CDYL: variants seen among roughly 807,000 people sequenced by gnomAD.
CDYL encodes chromodomain Y-like protein.
Under a neutral mutation model 47.3 loss-of-function variants are expected in CDYL, and 8 were observed. The observed-to-expected ratio is 0.17, with a 90% confidence interval of 0.10 to 0.31. CDYL has a LOEUF of 0.31. Ranked by LOEUF, CDYL falls within the 10% of genes least tolerant of loss-of-function variation. CDYL has a pLI of 1.00. For synonymous variants in CDYL, 266 were observed against 265.0 expected (o/e 1.00, Z -0.04); for missense variants, 471 against 701.4 (o/e 0.67, Z 3.71).
intron 1 of CDYL, among the ~76,000 whole-genome samples, chr6:4,811,587 C>G (rs1034961627): frequency 2.0e-5 from 3 of 148,818 alleles, no homozygotes; most frequent in African/African-American, 7.4e-5. Flanking sequence ...TTTAATTACA[C>G]AAGTACTCAA....
intron 2 of CDYL, among the ~76,000 whole-genome samples, chr6:4,893,842 T>C (rs1384598457): frequency 3.3e-5 from 5 of 152,254 alleles, no homozygotes; most frequent in African/African-American, 1.2e-4. Flanking sequence ...ACTAAGACAT[T>C]CTAACCGTCC....
chr6:4,902,912 T>A (rs988427372), intron 2 of CDYL, among the ~76,000 whole-genome samples: 1 of 152,172 alleles, frequency 6.6e-6, no homozygotes, highest in Non-Finnish European at 1.5e-5. Flanking sequence ...ATGGACAAAT[T>A]CACTTAAACT....
At chr6:4,739,605 A>G (rs1041563916) in intron 3 of CDYL, among the ~76,000 whole-genome samples, 2 of 152,164 alleles carry the variant, frequency 1.3e-5, no homozygotes, top group African/African-American at 4.8e-5. Flanking sequence ...ATATTCTTAA[A>G]TACCAAAGCA....
chr6:4,946,079 G>C (rs1404885424), intron 5 of CDYL, among the ~76,000 whole-genome samples: 1 of 152,186 alleles, frequency 6.6e-6, no homozygotes, highest in African/African-American at 2.4e-5. Flanking sequence ...CCTGCTGGCA[G>C]GCTGGACACT....
chr6:4,787,588 G>T (rs1432579634), intron 1 of CDYL, among the ~76,000 whole-genome samples: 1 of 152,028 alleles, frequency 6.6e-6, no homozygotes, highest in Non-Finnish European at 1.5e-5. Context: ...GCTGAGACCA[G>T]ACACATTCAG....
chr6:4,931,941 G>A (rs953500302), intron 2 of CDYL, among the ~76,000 whole-genome samples: 2 of 152,236 alleles, frequency 1.3e-5, no homozygotes, highest in African/African-American at 4.8e-5. Flanking sequence ...TGCTGAAGCT[G>A]TTTCTGAGAC....
intron 1 of CDYL, among the ~76,000 whole-genome samples, chr6:4,865,412 C>G (rs918167098): frequency 1.3e-5 from 2 of 152,186 alleles, no homozygotes; most frequent in South Asian, 4.1e-4. Flanking sequence ...CATAAGAACC[C>G]CTTCCCCTCC....
At chr6:4,755,839 G>A (rs1010379158) in intron 3 of CDYL, among the ~76,000 whole-genome samples, 1 of 152,110 alleles carries the variant, frequency 6.6e-6, no homozygotes, top group Non-Finnish European at 1.5e-5. Context: ...TTGAACTCAA[G>A]TGTCATGTTA....
chr6:4,859,966 A>G lies in CDYL; in HGVS notation c.25-31747A>G, dbSNP rs560011085. Among the ~76,000 whole-genome samples, 340 of 151,444 alleles carry G rather than the reference A, an allele frequency of 2.2e-3. 1 individual carries two copies. The highest frequency in any genetic ancestry group is 8.0e-3 in the African/African-American group (331 of 41,230). Reference sequence around the variant, plus strand: ...ACCCAGGCTGGAGTGCAGTGGCGCAATCTCGGCTCACTGCAAGCTCCGCCT... The same window carrying G: ...ACCCAGGCTGGAGTGCAGTGGCGCAGTCTCGGCTCACTGCAAGCTCCGCCT... On this transcript the variant is annotated intron_variant, in intron 1 of 6. Transcript: ENST00000397588.
intron 2 of CDYL, among the ~76,000 whole-genome samples, chr6:4,926,412 A>G (rs1757875178): frequency 6.6e-6 from 1 of 152,248 alleles, no homozygotes; most frequent in Non-Finnish European, 1.5e-5. Flanking sequence ...CAGACCAAAG[A>G]CAACAGTGGT....
intron 1 of CDYL, among the ~76,000 whole-genome samples, chr6:4,812,858 C>T (rs1212039700): frequency 6.6e-6 from 1 of 152,012 alleles, no homozygotes; most frequent in Admixed American, 6.6e-5. Flanking sequence ...CTTCTTCTGT[C>T]CTTGAGTAAA....
At chr6:4,738,861 G>A (rs892533257) in intron 3 of CDYL, among the ~76,000 whole-genome samples, 6 of 152,182 alleles carry the variant, frequency 3.9e-5, no homozygotes, top group Admixed American at 3.9e-4. Context: ...CGACATCAAG[G>A]AATTATTAAA....
chr6:4,931,267 A>T (rs1581273657), intron 2 of CDYL, among the ~76,000 whole-genome samples: 2 of 152,190 alleles, frequency 1.3e-5, no homozygotes, highest in South Asian at 4.1e-4. Context: ...TGATACTGTA[A>T]ATAAAAATAC....
chr6:4,710,160 T>G (rs541490674), intron 1 of CDYL, among the ~76,000 whole-genome samples: 2 of 152,258 alleles, frequency 1.3e-5, no homozygotes, highest in South Asian at 4.1e-4. Flanking sequence ...AGGTGGAGGT[T>G]GCAGTGAGCT....
At chr6:4,852,142 A>C (rs1272529377) in intron 1 of CDYL, among the ~76,000 whole-genome samples, 1 of 152,188 alleles carries the variant, frequency 6.6e-6, no homozygotes, top group East Asian at 1.9e-4. Context: ...ATGTTTCAAC[A>C]TGTGGATTTA....
intron 2 of CDYL, among the ~76,000 whole-genome samples, chr6:4,921,221 C>T (rs1757706251): frequency 6.6e-6 from 1 of 152,154 alleles, no homozygotes; most frequent in African/African-American, 2.4e-5. Flanking sequence ...CCTAGTGCGT[C>T]ACTTTCCACA....
intron 1 of CDYL, among the ~76,000 whole-genome samples, chr6:4,823,196 C>T (rs1292018554): frequency 6.6e-6 from 1 of 152,206 alleles, no homozygotes; most frequent in Non-Finnish European, 1.5e-5. Context: ...ATTTCCGTGA[C>T]ATTTACCTTT....
At chr6:4,773,273 T>A, upstream of CDYL, 1 of 454,330 alleles carries the variant, frequency 2.2e-6, no homozygotes, top group Admixed American at 2.4e-5. This position sits in a 1 kb window ranked among gnomAD's most constrained non-coding sequence, Gnocchi z 4.6. Flanking sequence ...AAGAGTCATA[T>A]GTCTTACTAG....
At chr6:4,947,835 G>C (rs73717778) in intron 5 of CDYL, among the ~76,000 whole-genome samples, 12,049 of 152,200 alleles carry the variant, frequency 0.079, 1,529 homozygotes, top group African/African-American at 0.27. Context: ...GCGGTTCCCG[G>C]TGCCCCACTG....
Sources: gnomAD v4.1 joint callset for allele counts (sites outside exome capture counted in the v4.1 genomes callset) on GRCh38, gnomAD v4.1.1 for gene constraint, Gnocchi (gnomAD v3.1) non-coding constraint, MANE v1.5 for transcripts, NCBI Gene and HGNC (gene_info 2026-07-23, HGNC 2026-07-21) for gene names.